The following PCDHGA7 variants were observed in gnomAD, a reference collection of about 807,000 sequenced individuals.
PCDHGA7 encodes protocadherin gamma-A7.
A neutral mutation model predicts 58.3 loss-of-function variants in PCDHGA7; 44 were observed. The ratio of observed to expected loss-of-function variants is 0.75; its 90% CI spans 0.59 to 0.97. PCDHGA7 has a LOEUF of 0.97. PCDHGA7 is among the 50% of genes least tolerant of loss of function. PCDHGA7 has a pLI of 0.00. For missense variants in PCDHGA7, 1,266 were observed against 1,188.7 expected (o/e 1.06, Z -0.96); for synonymous variants, 516 against 504.2 (o/e 1.02, Z -0.31).
Position 141,432,485 on chromosome 5 carries a change from G to C in PCDHGA7, c.2424+47162G>C. 6.2e-7 allele frequency: 1 copy of C among 1,614,186 alleles called. No individual in the cohort carries two copies. The highest frequency in any genetic ancestry group is 8.5e-7 in the Non-Finnish European group (1 of 1,180,040). On this transcript the variant is annotated intron_variant, in intron 1 of 3. Coordinates refer to ENST00000518325, the MANE Select transcript of PCDHGA7 (RefSeq NM_018920.4). The surrounding 1 kb of genome is among the most constrained non-coding windows in gnomAD (Gnocchi z 6.0). ...CCCCACGGACGGTTCCACTGGCGTG[G>C]AGCTGGCTCCCCGCTCCGCAGAGCC...
rs1316573600 is a variant in PCDHGA7 at position 141,490,443 on chromosome 5, G to A, written c.2425-4364G>A. The A allele has an allele frequency of 1.2e-6, 2 of 1,614,174 alleles. No individual in the cohort carries two copies. Among genetic ancestry groups the A allele is most frequent in the Non-Finnish European group, 8.5e-7 (1 of 1,180,042 alleles). On this transcript the variant is annotated intron_variant, in intron 1 of 3. Coordinates refer to ENST00000518325, the MANE Select transcript of PCDHGA7 (RefSeq NM_018920.4). The surrounding 1 kb of genome is among the most constrained non-coding windows in gnomAD (Gnocchi z 5.4). ...TGCCATTTCAGATTAAGCCTTCTGA[G>A]AACCACTACTCGCTGCTAACCAGCC...
chr5:141,479,050 C>G (rs1484021560), intron 1 of PCDHGA7, among the ~76,000 whole-genome samples: 1 of 152,164 alleles, frequency 6.6e-6, no homozygotes, highest in South Asian at 2.1e-4. Context: ...ACCTCATTCT[C>G]AGATAATTTT....
chr5:141,399,494 G>A, intron 1 of PCDHGA7: 1 of 1,614,032 alleles, frequency 6.2e-7, no homozygotes, highest in Non-Finnish European at 8.5e-7. Flanking sequence ...TACTTAGTCA[G>A]TGTACCCGAA....
chr5:141,456,072 T>C (rs1349808406), intron 1 of PCDHGA7, among the ~76,000 whole-genome samples: 2 of 151,950 alleles, frequency 1.3e-5, no homozygotes, highest in Non-Finnish European at 2.9e-5. Flanking sequence ...TAATTTTTTG[T>C]ATTTTCAGTA....
chr5:141,504,077 G>A (rs939470644), intron 2 of PCDHGA7, among the ~76,000 whole-genome samples: 3 of 152,124 alleles, frequency 2.0e-5, no homozygotes, highest in Non-Finnish European at 2.9e-5. Context: ...GCCAGATGGT[G>A]CCAAACAGTT....
chr5:141,449,943 C>G (rs1561937416), intron 1 of PCDHGA7, among the ~76,000 whole-genome samples: 1 of 151,186 alleles, frequency 6.6e-6, no homozygotes, highest in African/African-American at 2.4e-5. Flanking sequence ...GTATATTTTA[C>G]TATACCTCAT....
At chr5:141,464,929 G>A (rs1358204606) in intron 1 of PCDHGA7, among the ~76,000 whole-genome samples, 1 of 151,878 alleles carries the variant, frequency 6.6e-6, no homozygotes, top group Non-Finnish European at 1.5e-5. Flanking sequence ...TTGTAGAGAT[G>A]TGAGGTCTCA....
At chr5:141,388,559 T>C in intron 1 of PCDHGA7, 1 of 1,613,890 alleles carries the variant, frequency 6.2e-7, no homozygotes, top group Non-Finnish European at 8.5e-7. Context: ...TAAGCAGCAC[T>C]GCACAGATAC....
intron 1 of PCDHGA7, among the ~76,000 whole-genome samples, chr5:141,406,261 C>T (rs2154537343): frequency 6.6e-6 from 1 of 152,132 alleles, no homozygotes; most frequent in African/African-American, 2.4e-5. Flanking sequence ...CTCAAACGAT[C>T]TTCCTGCTTC....
chr5:141,457,020 C>A (rs2098903789), intron 1 of PCDHGA7, among the ~76,000 whole-genome samples: 1 of 152,086 alleles, frequency 6.6e-6, no homozygotes, highest in Non-Finnish European at 1.5e-5. Flanking sequence ...AATAAAAAGT[C>A]CTAGTAGACT....
At chr5:141,446,831 T>C (rs1237079019) in intron 1 of PCDHGA7, among the ~76,000 whole-genome samples, 2 of 152,186 alleles carry the variant, frequency 1.3e-5, no homozygotes, top group East Asian at 3.9e-4. Context: ...TAGATCCTTA[T>C]AAGGCTGAGC....
At chr5:141,410,235 G>A (rs753193390) in intron 1 of PCDHGA7, 2 of 1,613,970 alleles carry the variant, frequency 1.2e-6, no homozygotes, top group South Asian at 1.1e-5. Context: ...CTCAGCGACC[G>A]CCCTGTACTC....
chr5:141,441,810 C>A, intron 1 of PCDHGA7: 1 of 372,576 alleles, frequency 2.7e-6, no homozygotes. Context: ...GGTGCTGTAC[C>A]CCAGCTCTGG....
chr5:141,451,993 C>G (rs1235806360), intron 1 of PCDHGA7, among the ~76,000 whole-genome samples: 4 of 152,164 alleles, frequency 2.6e-5, no homozygotes, highest in African/African-American at 7.2e-5. Context: ...TCATTAGAAG[C>G]AAAATCACTT....
rs759272109 is a variant in PCDHGA7, at chr5:141,420,170, G to A, written c.2424+34847G>A. ...TCCAGAATTTAATTTTTTCACATCTGTTGATCATTGTCCAGCCACACAAGA... is the reference window on the plus strand; with the variant it reads ...TCCAGAATTTAATTTTTTCACATCTATTGATCATTGTCCAGCCACACAAGA... On this transcript the variant is annotated intron_variant, in intron 1 of 3. Coordinates refer to ENST00000518325, the MANE Select transcript of PCDHGA7 (RefSeq NM_018920.4). 22 of 1,613,846 alleles carry A rather than the reference G, an allele frequency of 1.4e-5. No homozygotes were observed. Among genetic ancestry groups the A allele is most frequent in the Non-Finnish European group, 1.8e-5 (21 of 1,179,888 alleles).
chr5:141,432,427 C>G lies in PCDHGA7; in HGVS notation c.2424+47104C>G. 5 of 1,614,242 alleles carry G rather than the reference C, an allele frequency of 3.1e-6. No homozygotes were observed. The highest frequency in any genetic ancestry group is 4.2e-6 in the Non-Finnish European group (5 of 1,180,036). On this transcript the variant is annotated intron_variant, in intron 1 of 3. Transcript: ENST00000518325. The surrounding 1 kb of genome is among the most constrained non-coding windows in gnomAD (Gnocchi z 6.0). ...TGAGCCTGTTCGTGCTGGACCAGAA[C>G]GACAATGCGCCCGAGATCCTGTACC... is the stretch of plus-strand genomic sequence containing the variant.
At chr5:141,388,652 C>T in intron 1 of PCDHGA7, 1 of 1,613,844 alleles carries the variant, frequency 6.2e-7, no homozygotes, top group African/African-American at 1.3e-5. Context: ...AAAACGTGTA[C>T]CCGGGGACCA....
chr5:141,493,679 G>C lies in PCDHGA7; in HGVS notation c.2425-1128G>C. On this transcript the variant is annotated intron_variant, in intron 1 of 3. Transcript: ENST00000518325. This position sits in a 1 kb window ranked among gnomAD's most constrained non-coding sequence, Gnocchi z 4.3. ...CCTTCTCCATGGCAGCCCCAGAATG[G>C]TGCTGGTGACTCCCGATACACCTGG... Among the ~76,000 whole-genome samples the C allele has an allele frequency of 6.6e-6, 1 of 152,198 alleles. No individual in the cohort carries two copies. Among genetic ancestry groups the C allele is most frequent in the African/African-American group, 2.4e-5 (1 of 41,446 alleles).
At chr5:141,420,457 T>A in intron 1 of PCDHGA7, 1 of 927,890 alleles carries the variant, frequency 1.1e-6, no homozygotes. Flanking sequence ...TTCCTACTAT[T>A]CAAAGACATT....
Sources: allele counts gnomAD v4.1 joint callset (sites outside exome capture counted in the v4.1 genomes callset), GRCh38; gene constraint gnomAD v4.1.1; non-coding constraint Gnocchi (gnomAD v3.1); transcripts MANE v1.5; gene names NCBI Gene and HGNC (gene_info 2026-07-23, HGNC 2026-07-21).